Variants in GRM1 observed in about 807,000 individuals in gnomAD.
GRM1 encodes the protein glutamate metabotropic receptor 1.
Under a neutral mutation model 90.9 loss-of-function variants are expected in GRM1, and 33 were observed. The observed-to-expected ratio is 0.36, with a 90% CI of 0.28 to 0.49. The LOEUF (loss-of-function observed/expected upper bound fraction) is 0.49. Ranked by LOEUF, GRM1 falls within the 20% of genes least tolerant of loss-of-function variation. The probability of loss-of-function intolerance (pLI) is 0.99; values close to 1 mark genes in which losing one functional copy is unlikely to be tolerated. For missense variants in GRM1, 1,190 were observed against 1,534.3 expected (o/e 0.78, Z 3.75); for synonymous variants, 700 against 613.2 (o/e 1.14, Z -2.09).
chr6:146,300,799 G>T (rs570675561), intron 2 of GRM1, among the ~76,000 whole-genome samples: 1 of 152,268 alleles, frequency 6.6e-6, no homozygotes, highest in African/African-American at 2.4e-5. Context: ...CTCAGGTCAA[G>T]CACAGTCTAG....
chr6:146,402,675 TTCC>T (rs1777200405), intron 7 of GRM1, among the ~76,000 whole-genome samples: 1 of 152,184 alleles, frequency 6.6e-6, no homozygotes, highest in Non-Finnish European at 1.5e-5. Flanking sequence ...AATGAAGAGC[TTCC>T]AACTGATCTA....
chr6:146,364,680 T>C (rs7775578), intron 5 of GRM1, among the ~76,000 whole-genome samples: 29,568 of 151,714 alleles, frequency 0.19, 3,749 homozygotes, highest in African/African-American at 0.37. Context: ...AATAGTACAA[T>C]AGTTACTCGC....
intron 2 of GRM1, among the ~76,000 whole-genome samples, chr6:146,233,467 C>T (rs552925391): frequency 6.6e-6 from 1 of 152,164 alleles, no homozygotes; most frequent in South Asian, 2.1e-4. Flanking sequence ...ACGGTGTTCT[C>T]ATATGTCCTA....
intron 2 of GRM1, among the ~76,000 whole-genome samples, chr6:146,200,904 A>G (rs1259193828): frequency 2.0e-5 from 3 of 152,202 alleles, no homozygotes; most frequent in African/African-American, 7.2e-5. Context: ...ATTGTCCATT[A>G]GAAGCATCCT....
chr6:146,337,769 A>G (rs941853899), intron 3 of GRM1, among the ~76,000 whole-genome samples: 3 of 152,252 alleles, frequency 2.0e-5, no homozygotes, highest in Admixed American at 6.5e-5. Context: ...ATACTATAAT[A>G]AATGTTATCA....
At chr6:146,346,261 TG>T (rs1326194136) in intron 3 of GRM1, among the ~76,000 whole-genome samples, 2 of 152,238 alleles carry the variant, frequency 1.3e-5, no homozygotes, top group Non-Finnish European at 2.9e-5. Context: ...AACAATAGAT[TG>T]GAATGATGCA....
intron 1 of GRM1, among the ~76,000 whole-genome samples, chr6:146,134,589 A>G (rs1776536933): frequency 6.6e-6 from 1 of 152,090 alleles, no homozygotes; most frequent in African/African-American, 2.4e-5. Context: ...AGGGGAGAAA[A>G]GCCCCTTATA....
At chr6:146,238,418 T>C (rs1266735246) in intron 2 of GRM1, among the ~76,000 whole-genome samples, 1 of 152,118 alleles carries the variant, frequency 6.6e-6, no homozygotes, top group Non-Finnish European at 1.5e-5. Context: ...TTTACACCAG[T>C]AGGTAGTAGA....
intron 2 of GRM1, among the ~76,000 whole-genome samples, chr6:146,163,377 C>T (rs1049243451): frequency 1.3e-5 from 2 of 152,232 alleles, no homozygotes; most frequent in Admixed American, 6.5e-5. Context: ...GATGTACCTG[C>T]GTCTGATAAT....
At chr6:146,216,787 T>C (rs755494986) in intron 2 of GRM1, among the ~76,000 whole-genome samples, 4 of 152,178 alleles carry the variant, frequency 2.6e-5, no homozygotes, top group East Asian at 1.9e-4. Context: ...GTTGAGAACA[T>C]TTCATTGGCA....
In GRM1 at chr6:146,151,887, C is replaced by T. The variant is rs138217134; in HGVS notation, c.701-7461C>T. Among the ~76,000 whole-genome samples the T allele has an allele frequency of 1.4e-4, 22 of 152,246 alleles. No homozygotes were observed. In the East Asian group the frequency reaches 3.5e-3, roughly 24 times the overall value. On this transcript the variant is annotated intron_variant, in intron 1 of 7. Coordinates refer to ENST00000282753, the MANE Select transcript of GRM1 (RefSeq NM_001278064.2). ...TCCATGTGTTCTCCTTCATAAATAT[C>T]CCATCAGTTCTGTCTAGAAGTTAGT...
At chr6:146,325,767 A>T (rs1784379815) in intron 3 of GRM1, among the ~76,000 whole-genome samples, 1 of 152,174 alleles carries the variant, frequency 6.6e-6, no homozygotes, top group African/African-American at 2.4e-5. Flanking sequence ...ATCTTTTTAT[A>T]TATCACTGAA....
At chr6:146,159,217 C>G in intron 1 of GRM1, 131 bp from the exon 2 acceptor site, 2 of 1,032,856 alleles carry the variant, frequency 1.9e-6, no homozygotes, top group Non-Finnish European at 1.5e-6. Flanking sequence ...TTCCGTCAGT[C>G]TCAGCCATAT....
At chr6:146,102,556 A>G (rs1413394033) in intron 1 of GRM1, among the ~76,000 whole-genome samples, 1 of 152,190 alleles carries the variant, frequency 6.6e-6, no homozygotes, top group African/African-American at 2.4e-5. Flanking sequence ...TCTTCTACCA[A>G]TGCAGATTTC....
rs1182581415 is a variant in GRM1 at position 146,062,505 on chromosome 6, TAAAATAAAA to T, written c.700+32289_700+32297del. ...CTTAAAGTATAACAATAAAATAAAA[TAAAATAAAA>T]TAAAATAAAATAAAATAAAATGCTG... On this transcript the variant is annotated intron_variant, in intron 1 of 7. Coordinates refer to ENST00000282753, the MANE Select transcript of GRM1 (RefSeq NM_001278064.2). 3.3e-5 allele frequency among the ~76,000 whole-genome samples: 5 copies of T among 151,478 alleles called. No individual in the cohort carries two copies. The East Asian group carries it at 9.7e-4, about 29-fold the overall frequency.
At chr6:146,213,888 G>A (rs1779778597) in intron 2 of GRM1, among the ~76,000 whole-genome samples, 1 of 152,112 alleles carries the variant, frequency 6.6e-6, no homozygotes, top group South Asian at 2.1e-4. Flanking sequence ...GAAGCTGATG[G>A]TGTAACTCTT....
At chr6:146,255,368 A>G (rs898790899) in intron 2 of GRM1, among the ~76,000 whole-genome samples, 13 of 152,138 alleles carry the variant, frequency 8.5e-5, no homozygotes, top group African/African-American at 2.9e-4. Flanking sequence ...AAGATCTTCA[A>G]TCTAATATAA....
chr6:146,085,420 A>G (rs1776507654), intron 1 of GRM1, among the ~76,000 whole-genome samples: 1 of 152,174 alleles, frequency 6.6e-6, no homozygotes, highest in South Asian at 2.1e-4. Context: ...TTAAGATGGT[A>G]TAGACTATTC....
At chr6:146,287,773 G>A (rs1331614102) in intron 2 of GRM1, among the ~76,000 whole-genome samples, 2 of 152,162 alleles carry the variant, frequency 1.3e-5, no homozygotes, top group Non-Finnish European at 2.9e-5. Flanking sequence ...GTTTTGAAAA[G>A]GGAAAAGGGC....
Sources: gnomAD v4.1 joint callset for allele counts (sites outside exome capture counted in the v4.1 genomes callset) on GRCh38, gnomAD v4.1.1 for gene constraint, MANE v1.5 for transcripts, NCBI Gene and HGNC (gene_info 2026-07-23, HGNC 2026-07-21) for gene names.